NDUFAF6: variants seen among roughly 807,000 people sequenced by gnomAD.
NDUFAF6 encodes NADH dehydrogenase (ubiquinone) complex I, assembly factor 6.
A neutral mutation model predicts 40.8 loss-of-function variants in NDUFAF6; 45 were observed. That is an observed-to-expected ratio of 1.10 (90% CI 0.87 to 1.42). The LOEUF (loss-of-function observed/expected upper bound fraction) is 1.42. Among genes scored for constraint, NDUFAF6 ranks in the 40% most tolerant of loss-of-function variants. The pLI is 0.00. For synonymous variants in NDUFAF6, 185 were observed against 155.9 expected (o/e 1.19, Z -1.39); for missense variants, 435 against 418.5 (o/e 1.04, Z -0.34).
At chr8:94,981,023 C>CT in intron 2 of NDUFAF6, 1 of 455,682 alleles carries the variant, frequency 2.2e-6, no homozygotes, top group South Asian at 1.6e-5. Context: ...CAAAGAGGCT[C>CT]TTTCCCCCAC....
chr8:95,010,786 G>T (rs182534702), intron 2 of NDUFAF6, among the ~76,000 whole-genome samples: 110 of 152,310 alleles, frequency 7.2e-4, no homozygotes, highest in African/African-American at 2.6e-3. Flanking sequence ...GGTCTCTAGT[G>T]GTGCTGGTTG....
exon 10 of NDUFAF6, chr8:95,075,955 C>T (rs534092399): frequency 3.3e-6 from 1 of 306,916 alleles, no homozygotes; most frequent in Admixed American, 4.2e-5. Context: ...TGGAATCTCC[C>T]AGAAGGCTGG....
chr8:94,961,044 A>C (rs140522599), intron 1 of NDUFAF6, among the ~76,000 whole-genome samples: 1 of 152,366 alleles, frequency 6.6e-6, no homozygotes, highest in African/African-American at 2.4e-5. Flanking sequence ...TATATGCAAT[A>C]ATCTCTGAAC....
At chr8:95,100,362 G>A (rs1300643454), upstream of NDUFAF6, 1 of 152,128 alleles carries the variant, frequency 6.6e-6, no homozygotes, top group Non-Finnish European at 1.5e-5. Flanking sequence ...CTGTGGTGGA[G>A]GTATGGCTGG....
At chr8:94,930,668 A>G in intron 1 of NDUFAF6, 1 of 1,614,236 alleles carries the variant, frequency 6.2e-7, no homozygotes, top group Admixed American at 1.7e-5. Flanking sequence ...AAGTTGTATG[A>G]GCAGCAAGAG....
In NDUFAF6 at chr8:95,101,839, G is replaced by A. The variant is rs1185933614; in HGVS notation, n.230+613G>A. On this transcript the variant is annotated intron_variant and non_coding_transcript_variant, in intron 2 of 2. Coordinates refer to the NDUFAF6 transcript ENST00000521063. ...AAATTGGCTTCTGTAACTGAAAAGT[G>A]CAGAGGAAGAGGCAGCTTCTGACCC... is the stretch of plus-strand genomic sequence containing the variant. 7.2e-5 allele frequency among the ~76,000 whole-genome samples: 11 copies of A among 152,298 alleles called. No individual in the cohort carries two copies. The East Asian group carries it at 1.7e-3, about 24-fold the overall frequency.
chr8:94,956,108 TC>T (rs1823048924), upstream of NDUFAF6, among the ~76,000 whole-genome samples: 1 of 152,216 alleles, frequency 6.6e-6, no homozygotes, highest in Non-Finnish European at 1.5e-5. Flanking sequence ...TCTCTTAGCC[TC>T]CATTTCCTGT....
chr8:95,087,095 G>A (rs557654336), intron 2 of NDUFAF6, among the ~76,000 whole-genome samples: 1 of 151,892 alleles, frequency 6.6e-6, no homozygotes, highest in South Asian at 2.1e-4. Flanking sequence ...AATTCTGCAT[G>A]GTGCATATTT....
At chr8:94,919,323 A>G (rs1247390611) in intron 1 of NDUFAF6, among the ~76,000 whole-genome samples, 1 of 152,160 alleles carries the variant, frequency 6.6e-6, no homozygotes, top group Non-Finnish European at 1.5e-5. Flanking sequence ...CTGGGAGTAC[A>G]GGTGTGAGCT....
chr8:95,047,748 A>G (rs1328344356), intron 6 of NDUFAF6, among the ~76,000 whole-genome samples: 1 of 151,818 alleles, frequency 6.6e-6, no homozygotes, highest in Non-Finnish European at 1.5e-5. Context: ...TGAACTCGTG[A>G]TTCGCTTGCC....
rs535215051 is a variant in NDUFAF6, at chr8:94,959,080, G to T, written c.-199+901G>T. Among the ~76,000 whole-genome samples, 287 of 152,218 alleles carry T rather than the reference G, an allele frequency of 1.9e-3. 1 individual carries two copies. Among genetic ancestry groups the T allele is most frequent in the Admixed American group, 6.3e-3 (97 of 15,286 alleles). ...AGCTGAAAATGGCTGCGGGAAAGAG[G>T]GGGTGATTGCGGTAGCAAAGCCTGA... On this transcript the variant is annotated intron_variant, in intron 1 of 9. Coordinates refer to the NDUFAF6 transcript ENST00000396111.
intron 2 of NDUFAF6, among the ~76,000 whole-genome samples, chr8:95,095,117 G>T (rs1340999755): frequency 6.6e-6 from 1 of 150,590 alleles, no homozygotes; most frequent in East Asian, 1.9e-4. Flanking sequence ...CCATCACGCA[G>T]TCAGATAGGA....
At chr8:94,920,079 G>C (rs1586650642) in intron 1 of NDUFAF6, among the ~76,000 whole-genome samples, 1 of 152,102 alleles carries the variant, frequency 6.6e-6, no homozygotes, top group East Asian at 1.9e-4. Flanking sequence ...TTAAAAGGGG[G>C]TAGAGATGGC....
At chr8:95,001,591 C>T (rs1826737142) in intron 2 of NDUFAF6, among the ~76,000 whole-genome samples, 1 of 152,176 alleles carries the variant, frequency 6.6e-6, no homozygotes, top group South Asian at 2.1e-4. Context: ...ATTATATCAT[C>T]ACTTTTGGTA....
chr8:94,898,464 TG>T (rs1399592052), intron 1 of NDUFAF6, among the ~76,000 whole-genome samples: 1 of 152,192 alleles, frequency 6.6e-6, no homozygotes, highest in African/African-American at 2.4e-5. Flanking sequence ...ACGAGTTGAC[TG>T]GGGTTATGGG....
chr8:94,917,797 A>C (rs1819238291), intron 1 of NDUFAF6, among the ~76,000 whole-genome samples: 1 of 152,226 alleles, frequency 6.6e-6, no homozygotes, highest in Non-Finnish European at 1.5e-5. Context: ...GTGTTTTTCC[A>C]AGCCCATTTT....
At chr8:95,043,673 G>C (rs1028577388) in intron 4 of NDUFAF6, among the ~76,000 whole-genome samples, 8 of 152,086 alleles carry the variant, frequency 5.3e-5, no homozygotes, top group Non-Finnish European at 8.8e-5. Flanking sequence ...TTGAAACAAA[G>C]AAACATCACT....
At chr8:94,909,831 T>C (rs887426433) in intron 1 of NDUFAF6, among the ~76,000 whole-genome samples, 42 of 149,526 alleles carry the variant, frequency 2.8e-4, no homozygotes, top group African/African-American at 7.9e-4. Context: ...CACACACACA[T>C]ATATATATAT....
intron 1 of NDUFAF6, among the ~76,000 whole-genome samples, chr8:94,970,325 A>T (rs1824366484): frequency 6.6e-6 from 1 of 152,148 alleles, no homozygotes; most frequent in Non-Finnish European, 1.5e-5. Flanking sequence ...GAATTAGCAA[A>T]AAGTTACTAA....
Sources: gnomAD v4.1 joint callset for allele counts (sites outside exome capture counted in the v4.1 genomes callset) on GRCh38, gnomAD v4.1.1 for gene constraint, MANE v1.5 for transcripts, NCBI Gene and HGNC (gene_info 2026-07-23, HGNC 2026-07-21) for gene names.